The following HIPK3 variants were observed in gnomAD, a reference collection of about 807,000 sequenced individuals.
HIPK3 encodes the protein homeodomain-interacting protein kinase 3.
A neutral mutation model predicts 124.2 loss-of-function variants in HIPK3; 47 were observed. That is an observed-to-expected ratio of 0.38 (90% CI 0.30 to 0.48). HIPK3 has a LOEUF of 0.48. Ranked by LOEUF, HIPK3 falls within the 20% of genes least tolerant of loss-of-function variation. HIPK3 has a pLI of 0.98. For synonymous variants in HIPK3, 482 were observed against 515.2 expected (o/e 0.94, Z 0.87); for missense variants, 1,286 against 1,454.3 (o/e 0.88, Z 1.88).
intron 2 of HIPK3, among the ~76,000 whole-genome samples, chr11:33,321,691 A>G (rs1223952845): frequency 6.6e-6 from 1 of 152,186 alleles, no homozygotes; most frequent in African/African-American, 2.4e-5. Flanking sequence ...GGAAGTGTGA[A>G]GTAGGACAGT....
At chr11:33,316,220 T>C (rs2133951043) in intron 2 of HIPK3, among the ~76,000 whole-genome samples, 1 of 152,352 alleles carries the variant, frequency 6.6e-6, no homozygotes. Flanking sequence ...GTTGCTTGTT[T>C]TAAAAAAGCA....
intron 2 of HIPK3, among the ~76,000 whole-genome samples, chr11:33,297,091 AT>A (rs34751907): frequency 9.3e-4 from 127 of 136,460 alleles, no homozygotes; most frequent in African/African-American, 9.9e-4. Context: ...TATGGAAAAG[AT>A]TTTTTTTTTT....
rs576100086 is a variant in HIPK3 at position 33,353,652 on chromosome 11, G to T, written c.*84G>T. 4.2e-4 allele frequency: 400 copies of T among 960,554 alleles called. No homozygotes were observed. Among genetic ancestry groups the T allele is most frequent in the Non-Finnish European group, 6.0e-4 (380 of 635,498 alleles). The allele number at this position is 960,554 out of a possible 1,614,324, so 59.5% of individuals were successfully genotyped here. ...GTATTTAATATTAGCCATGGCACAA[G>T]AAAATTATTTTTGAATCATGTAGAC... is the stretch of plus-strand genomic sequence containing the variant. On this transcript the variant is annotated 3_prime_UTR_variant, in exon 17 of 17. Coordinates refer to ENST00000303296, the MANE Select transcript of HIPK3 (RefSeq NM_005734.5).
intron 1 of HIPK3, chr11:33,258,186 CCGGGGCCCGG>C: frequency 1.6e-6 from 1 of 630,628 alleles, no homozygotes; most frequent in Non-Finnish European, 2.0e-6. Flanking sequence ...CCGCGCCTGG[CCGGGGCCCGG>C]GGGCCTCGGC....
At chr11:33,278,640 C>T (rs980794540) in intron 1 of HIPK3, among the ~76,000 whole-genome samples, 1 of 152,002 alleles carries the variant, frequency 6.6e-6, no homozygotes, top group African/African-American at 2.4e-5. Flanking sequence ...GTCAGGAGAT[C>T]GAGACCATCC....
chr11:33,315,318 C>T (rs143254200), intron 2 of HIPK3, among the ~76,000 whole-genome samples: 1,606 of 152,274 alleles, frequency 0.011, 8 homozygotes, highest in Non-Finnish European at 0.015. Flanking sequence ...CCTTGGCCTC[C>T]GGGGCTCAAG....
At chr11:33,257,347 G>A (rs1459027912), upstream of HIPK3, 4 of 984,412 alleles carry the variant, frequency 4.1e-6, no homozygotes, top group African/African-American at 3.5e-5. Context: ...CGAGGCCGAC[G>A]AGCGCGGAGG....
Position 33,304,456 on chromosome 11 carries a change from T to A in HIPK3, c.1097+16945T>A, listed in dbSNP as rs139354373. ...CCTGTAATCCCAGCTACTCGGGAGG[T>A]TGAGGCAAGAGAATTGCCTGAACCC... On this transcript the variant is annotated intron_variant, in intron 2 of 16. Coordinates refer to ENST00000303296, the MANE Select transcript of HIPK3 (RefSeq NM_005734.5). Among the ~76,000 whole-genome samples the A allele has an allele frequency of 2.9e-4, 44 of 151,626 alleles. 1 individual carries two copies. The East Asian group carries it at 8.7e-3, about 30-fold the overall frequency.
upstream of HIPK3, chr11:33,257,205 G>A: frequency 1.0e-6 from 1 of 982,366 alleles, no homozygotes; most frequent in Non-Finnish European, 1.2e-6. Context: ...GGCAACAAGG[G>A]CGCGGCTGCG....
At chr11:33,322,686 C>T (rs1380632021) in intron 2 of HIPK3, among the ~76,000 whole-genome samples, 1 of 152,078 alleles carries the variant, frequency 6.6e-6, no homozygotes, top group South Asian at 2.1e-4. Context: ...ATTAGCCTGG[C>T]ATGGTGGCAC....
chr11:33,290,640 CT>C (rs34712545), intron 2 of HIPK3, among the ~76,000 whole-genome samples: 3,269 of 141,690 alleles, frequency 0.023, 83 homozygotes, highest in South Asian at 0.13. Context: ...AAAAAAAAGT[CT>C]TTTTTTTTTT....
At chr11:33,295,873 ATT>A (rs1351325884) in intron 2 of HIPK3, among the ~76,000 whole-genome samples, 2 of 152,254 alleles carry the variant, frequency 1.3e-5, no homozygotes, top group South Asian at 4.1e-4. Context: ...TAAAGTTACC[ATT>A]TTTTTCTTTG....
chr11:33,311,778 C>T (rs557613677), intron 2 of HIPK3, among the ~76,000 whole-genome samples: 1 of 151,202 alleles, frequency 6.6e-6, no homozygotes, highest in East Asian at 2.0e-4. Context: ...GAGGCTGAGG[C>T]AGGAGGATCG....
intron 2 of HIPK3, among the ~76,000 whole-genome samples, chr11:33,316,417 A>G (rs1157105432): frequency 6.6e-6 from 1 of 152,228 alleles, no homozygotes; most frequent in Non-Finnish European, 1.5e-5. Context: ...CTGTTATGCT[A>G]AAAGAGTCTC....
rs574179092 is a variant in HIPK3 at position 33,351,772 on chromosome 11, T to C, written c.2972T>C (p.Val991Ala). ...GCTGACACAGAAACCAAGCCAGCTG[T>C]CTGTTCTGTTGTGGTGCCACCAGTG... The part of the protein sequence containing the change: ...SSADTETKPA[V>A]CSVVVPPVEL... The change falls in exon 15 of 17, where the codon GTC (valine) becomes GCC (alanine). Residue 991 changes from valine to alanine, a missense_variant. Around this residue, in one of 3 missense-constraint regions of HIPK3, gnomAD observed 810 missense variants for 864.9 expected, o/e 0.94. Coordinates refer to ENST00000303296, the MANE Select transcript of HIPK3 (RefSeq NM_005734.5). 1 of 1,614,182 alleles carries C rather than the reference T, an allele frequency of 6.2e-7. No individual in the cohort carries two copies. The highest frequency in any genetic ancestry group is 1.3e-5 in the African/African-American group (1 of 75,062).
chr11:33,310,954 C>T (rs549997280), intron 2 of HIPK3, among the ~76,000 whole-genome samples: 1 of 152,296 alleles, frequency 6.6e-6, no homozygotes, highest in East Asian at 1.9e-4. Context: ...GCCAAGGCCC[C>T]TCTTCCTTGG....
chr11:33,287,481 G>C lies in HIPK3; in HGVS notation c.1067G>C (p.Cys356Ser). 2 of 1,612,862 alleles carry C rather than the reference G, an allele frequency of 1.2e-6. No individual in the cohort carries two copies. Among genetic ancestry groups the C allele is most frequent in the Admixed American group, 1.7e-5 (1 of 59,920 alleles). Residue 356 changes from cysteine to serine, a missense_variant, in exon 2 of 17, where the codon TGT becomes TCT. Physicochemically the swap from Cys to Ser is moderately radical, Grantham distance 112. This residue lies in a region of HIPK3 where 251 missense variants were observed against 349.1 expected (regional missense o/e 0.72). Coordinates refer to ENST00000303296, the MANE Select transcript of HIPK3 (RefSeq NM_005734.5). ...GSASHVSKTV[C>S]STYLQSRYYR... ...GCCAGTCATGTATCAAAGACTGTTT[G>C]TTCAACATATCTACAATCTCGGTAC...
chr11:33,341,553 G>C lies in HIPK3; in HGVS notation c.1774-10G>C. On this transcript the variant is annotated splice_polypyrimidine_tract_variant and intron_variant, in intron 7 of 16. Coordinates refer to ENST00000303296, the MANE Select transcript of HIPK3 (RefSeq NM_005734.5). ...GAAGACTGCTCTATATAATGTGCTCGTTGTTTCAGGCATTGACCACATCTG... is the reference window on the plus strand; with the variant it reads ...GAAGACTGCTCTATATAATGTGCTCCTTGTTTCAGGCATTGACCACATCTG... The C allele has an allele frequency of 7.5e-6, 12 of 1,602,724 alleles. No individual in the cohort carries two copies. The highest frequency in any genetic ancestry group is 1.0e-5 in the Non-Finnish European group (12 of 1,175,312).
intron 2 of HIPK3, among the ~76,000 whole-genome samples, chr11:33,305,756 T>A (rs1056360089): frequency 6.6e-6 from 1 of 152,224 alleles, no homozygotes; most frequent in Non-Finnish European, 1.5e-5. Flanking sequence ...TGTTTGTTTG[T>A]TTTTTAAGTC....
Sources: allele counts gnomAD v4.1 joint callset (sites outside exome capture counted in the v4.1 genomes callset), GRCh38; gene constraint gnomAD v4.1.1; regional missense constraint gnomAD v4.1.1; transcripts MANE v1.5; gene names NCBI Gene and HGNC (gene_info 2026-07-23, HGNC 2026-07-21).